The following SH3GL2 variants were observed in gnomAD, a reference collection of about 807,000 sequenced individuals.
SH3GL2 encodes SH3 domain containing GRB2 like 2, endophilin A1.
In SH3GL2, 24 loss-of-function variants were observed where a neutral mutation model predicts 46.0. The observed-to-expected ratio is 0.52, with a 90% confidence interval of 0.38 to 0.73. The LOEUF (loss-of-function observed/expected upper bound fraction) is 0.73, where lower values mean the gene tolerates loss of function less well. SH3GL2 is among the 30% of genes least tolerant of loss of function. The pLI, the probability that SH3GL2 is intolerant of heterozygous loss-of-function variation, is 0.00. For missense variants in SH3GL2, 413 were observed against 424.2 expected (o/e 0.97, Z 0.23); for synonymous variants, 196 against 147.1 (o/e 1.33, Z -2.40).
intron 1 of SH3GL2, among the ~76,000 whole-genome samples, chr9:17,687,445 G>A (rs1820949208): frequency 8.9e-6 from 1 of 112,880 alleles, no homozygotes; most frequent in Admixed American, 1.0e-4. Flanking sequence ...CACTGAGACT[G>A]TTTTTGACTC....
At chr9:17,725,927 A>G (rs1040661155) in intron 1 of SH3GL2, among the ~76,000 whole-genome samples, 1 of 152,082 alleles carries the variant, frequency 6.6e-6, no homozygotes, top group Non-Finnish European at 1.5e-5. Flanking sequence ...GTTCTTGGCC[A>G]TATCTTCCCA....
At chr9:17,594,494 G>C (rs1484932452) in intron 1 of SH3GL2, among the ~76,000 whole-genome samples, 1 of 151,868 alleles carries the variant, frequency 6.6e-6, no homozygotes, top group African/African-American at 2.4e-5. Flanking sequence ...CTATGGGGCG[G>C]GGGTGGGAGA....
intron 1 of SH3GL2, among the ~76,000 whole-genome samples, chr9:17,600,803 T>A (rs188637258): frequency 6.6e-6 from 1 of 152,328 alleles, no homozygotes; most frequent in East Asian, 1.9e-4. Flanking sequence ...CTTTACTCAT[T>A]GTCTGAGGTG....
At chr9:17,646,195 G>A (rs559818354) in intron 1 of SH3GL2, among the ~76,000 whole-genome samples, 2 of 151,804 alleles carry the variant, frequency 1.3e-5, no homozygotes, top group Non-Finnish European at 2.9e-5. Context: ...GCTTCACCAA[G>A]TTCTCGTGCT....
chr9:17,668,868 G>C (rs1456132930), intron 1 of SH3GL2, among the ~76,000 whole-genome samples: 1 of 152,038 alleles, frequency 6.6e-6, no homozygotes, highest in Non-Finnish European at 1.5e-5. Flanking sequence ...ATGTTGCCTA[G>C]GCTGGTCTCA....
chr9:17,699,570 C>A (rs943510492), intron 1 of SH3GL2, among the ~76,000 whole-genome samples: 8 of 152,194 alleles, frequency 5.3e-5, no homozygotes, highest in Non-Finnish European at 1.2e-4. Context: ...CTGCTGCCAT[C>A]CCTGGCCTGC....
At chr9:17,624,911 A>T (rs1479388184) in intron 1 of SH3GL2, among the ~76,000 whole-genome samples, 2 of 152,164 alleles carry the variant, frequency 1.3e-5, no homozygotes, top group Non-Finnish European at 2.9e-5. Flanking sequence ...TCAAGTGGAA[A>T]TGTTGGGGTA....
intron 1 of SH3GL2, among the ~76,000 whole-genome samples, chr9:17,601,520 CTA>C (rs1366646494): frequency 1.3e-5 from 2 of 152,132 alleles, no homozygotes; most frequent in African/African-American, 4.8e-5. Flanking sequence ...TATTTAGTAA[CTA>C]TGTGCATAAT....
intron 8 of SH3GL2, among the ~76,000 whole-genome samples, chr9:17,794,391 C>G (rs3808663): frequency 7.9e-5 from 12 of 152,030 alleles, no homozygotes; most frequent in African/African-American, 2.9e-4. Flanking sequence ...AGAAAAAAAG[C>G]GAGGTCTGAG....
rs531862747 is a variant in SH3GL2, at chr9:17,681,108, G to A, written c.46-65958G>A. Among the ~76,000 whole-genome samples the A allele has an allele frequency of 2.0e-5, 3 of 152,194 alleles. No individual in the cohort carries two copies. The South Asian group carries it at 6.2e-4, about 32-fold the overall frequency. ...CACACCAAATCTTTTAACTACCCAT[G>A]CTTCTAGAAGCTTTCAAGGAATCAA... On this transcript the variant is annotated intron_variant, in intron 1 of 8. Coordinates refer to ENST00000380607, the MANE Select transcript of SH3GL2 (RefSeq NM_003026.5).
chr9:17,613,156 C>T (rs1476204291), intron 1 of SH3GL2, among the ~76,000 whole-genome samples: 3 of 152,094 alleles, frequency 2.0e-5, no homozygotes, highest in Non-Finnish European at 4.4e-5. Flanking sequence ...AGAGTAATTT[C>T]TTAGTGTGAC....
chr9:17,702,043 A>C (rs529292484), intron 1 of SH3GL2, among the ~76,000 whole-genome samples: 2 of 152,222 alleles, frequency 1.3e-5, no homozygotes, highest in East Asian at 3.9e-4. Context: ...AAAAACATTA[A>C]AAAATCTTTG....
intron 7 of SH3GL2, 47 bp from the exon 8 acceptor site, chr9:17,793,320 T>G (rs1824187319): frequency 6.5e-7 from 1 of 1,546,590 alleles, no homozygotes; most frequent in Non-Finnish European, 8.8e-7. Flanking sequence ...TCATTTTACT[T>G]CTTAACTGGT....
At chr9:17,625,765 G>A (rs943177657) in intron 1 of SH3GL2, among the ~76,000 whole-genome samples, 1 of 152,202 alleles carries the variant, frequency 6.6e-6, no homozygotes, top group African/African-American at 2.4e-5. Context: ...TAGGAGGTGG[G>A]GTAGATTTCT....
intron 3 of SH3GL2, among the ~76,000 whole-genome samples, chr9:17,770,485 A>C: frequency 6.6e-6 from 1 of 152,156 alleles, no homozygotes; most frequent in East Asian, 1.9e-4. Flanking sequence ...ACAGGTTCAC[A>C]CCCTTATATA....
chr9:17,734,321 A>T (rs1030990096), intron 1 of SH3GL2, among the ~76,000 whole-genome samples: 2 of 152,226 alleles, frequency 1.3e-5, no homozygotes, highest in East Asian at 1.9e-4. Flanking sequence ...ATGTGATGTC[A>T]CCTTGTTCTT....
intron 1 of SH3GL2, among the ~76,000 whole-genome samples, chr9:17,620,131 A>G (rs928633920): frequency 2.6e-5 from 4 of 152,244 alleles, no homozygotes; most frequent in Non-Finnish European, 5.9e-5. Context: ...AGATTAACCC[A>G]TGAAGTTAAA....
At chr9:17,631,603 A>G (rs902855923) in intron 1 of SH3GL2, among the ~76,000 whole-genome samples, 2 of 152,158 alleles carry the variant, frequency 1.3e-5, no homozygotes, top group African/African-American at 4.8e-5. Context: ...CTGTATGACA[A>G]TGTTGGTGAG....
intron 1 of SH3GL2, among the ~76,000 whole-genome samples, chr9:17,664,736 A>G (rs1820300965): frequency 6.6e-6 from 1 of 151,622 alleles, no homozygotes. Context: ...ATTCAAAAGT[A>G]CATTTTGGAG....
Sources: allele counts gnomAD v4.1 joint callset (sites outside exome capture counted in the v4.1 genomes callset), GRCh38; gene constraint gnomAD v4.1.1; transcripts MANE v1.5; gene names NCBI Gene and HGNC (gene_info 2026-07-23, HGNC 2026-07-21).